OLFM3: variants seen among roughly 807,000 people sequenced by gnomAD.
The protein encoded by OLFM3 is noelin-3.
A neutral mutation model predicts 48.6 loss-of-function variants in OLFM3; 20 were observed. That is an observed-to-expected ratio of 0.41 (90% CI 0.29 to 0.60). OLFM3 has a LOEUF of 0.60. Ranked by LOEUF, OLFM3 falls within the 20% of genes least tolerant of loss-of-function variation. The pLI is 0.28. For missense variants in OLFM3, 437 were observed against 544.3 expected (o/e 0.80, Z 1.96); for synonymous variants, 222 against 198.1 (o/e 1.12, Z -1.01).
rs986775120 is a variant in OLFM3, at chr1:101,913,650, G to A, written c.70-76625C>T. Among the ~76,000 whole-genome samples the A allele has an allele frequency of 2.7e-5, 4 of 150,530 alleles. No homozygotes were observed. In the Admixed American group the frequency reaches 2.7e-4, roughly 10 times the overall value. ...CATTTAGTAACTATTGCCATCCAGAGGCTGAGTTCAAACCTTAATCCTAAA... is the reference window on the plus strand; with the variant it reads ...CATTTAGTAACTATTGCCATCCAGAAGCTGAGTTCAAACCTTAATCCTAAA... On this transcript the variant is annotated intron_variant, in intron 1 of 5. Coordinates refer to ENST00000370103, the MANE Select transcript of OLFM3 (RefSeq NM_058170.4).
intron 1 of OLFM3, among the ~76,000 whole-genome samples, chr1:101,873,271 T>C (rs1657156783): frequency 6.6e-6 from 1 of 151,830 alleles, no homozygotes; most frequent in Admixed American, 6.6e-5. Flanking sequence ...TATAAGAACA[T>C]AAGCAGGAAA....
chr1:101,921,822 C>T (rs183594327), intron 1 of OLFM3, among the ~76,000 whole-genome samples: 1 of 152,208 alleles, frequency 6.6e-6, no homozygotes, highest in Non-Finnish European at 1.5e-5. Context: ...CTTTGGGAGG[C>T]CAAGGTGGGC....
At chr1:101,872,828 T>C (rs886348022) in intron 1 of OLFM3, among the ~76,000 whole-genome samples, 1 of 151,936 alleles carries the variant, frequency 6.6e-6, no homozygotes, top group East Asian at 1.9e-4. Context: ...TTTGCTTCTG[T>C]AGAAACTCTA....
intron 1 of OLFM3, among the ~76,000 whole-genome samples, chr1:101,866,721 G>C (rs528561225): frequency 6.6e-6 from 1 of 152,086 alleles, no homozygotes; most frequent in Admixed American, 6.5e-5. Context: ...TGCAATTTAG[G>C]TAATAATTTA....
At chr1:101,849,375 A>T (rs955148777) in intron 1 of OLFM3, among the ~76,000 whole-genome samples, 2 of 152,230 alleles carry the variant, frequency 1.3e-5, no homozygotes, top group Non-Finnish European at 2.9e-5. Flanking sequence ...CAGTAGTTGC[A>T]GAAGTTCCAC....
intron 1 of OLFM3, among the ~76,000 whole-genome samples, chr1:101,945,213 T>C (rs1385453980): frequency 6.6e-6 from 1 of 152,214 alleles, no homozygotes; most frequent in Non-Finnish European, 1.5e-5. Context: ...TACATAAATG[T>C]TTACATCAGC....
At chr1:101,949,129 T>C (rs1660044368) in intron 1 of OLFM3, among the ~76,000 whole-genome samples, 1 of 152,102 alleles carries the variant, frequency 6.6e-6, no homozygotes. Flanking sequence ...CAATCACATC[T>C]GAGTTTTACA....
At chr1:101,926,911 C>T (rs1414677652) in intron 1 of OLFM3, among the ~76,000 whole-genome samples, 1 of 152,086 alleles carries the variant, frequency 6.6e-6, no homozygotes, top group African/African-American at 2.4e-5. Flanking sequence ...AAGTCCCTTA[C>T]TACTAGCATT....
chr1:101,806,199 A>G lies in OLFM3; in HGVS notation c.593-17T>C, dbSNP rs1653764414. ...TGCCACATGCTGAAATTAGAGAAACACAAACGTGTTAGGTGAACGCAGCCA... is the reference window on the plus strand; with the variant it reads ...TGCCACATGCTGAAATTAGAGAAACGCAAACGTGTTAGGTGAACGCAGCCA... On this transcript the variant is annotated splice_polypyrimidine_tract_variant and intron_variant, in intron 4 of 5. Transcript: ENST00000370103. 2 of 1,597,318 alleles carry G rather than the reference A, an allele frequency of 1.3e-6. No individual in the cohort carries two copies. Among genetic ancestry groups the G allele is most frequent in the South Asian group, 2.2e-5 (2 of 90,726 alleles).
chr1:101,915,380 T>C (rs1194865601), intron 1 of OLFM3, among the ~76,000 whole-genome samples: 1 of 152,112 alleles, frequency 6.6e-6, no homozygotes, highest in Admixed American at 6.6e-5. Context: ...AAAAAGCATG[T>C]TTAAAACAAG....
chr1:101,829,607 C>T (rs1345002159), intron 3 of OLFM3, among the ~76,000 whole-genome samples: 1 of 152,214 alleles, frequency 6.6e-6, no homozygotes, highest in East Asian at 1.9e-4. Flanking sequence ...ACTAGCTCCC[C>T]ACCAGCCACC....
At chr1:101,948,257 C>A (rs559932618) in intron 1 of OLFM3, among the ~76,000 whole-genome samples, 1 of 152,004 alleles carries the variant, frequency 6.6e-6, no homozygotes, top group Non-Finnish European at 1.5e-5. Context: ...TGTTCAAATC[C>A]TGTCAGCCTT....
At chr1:101,963,655 T>A (rs1402828754) in intron 1 of OLFM3, among the ~76,000 whole-genome samples, 2 of 152,104 alleles carry the variant, frequency 1.3e-5, no homozygotes, top group Non-Finnish European at 2.9e-5. Context: ...TGCAAACAAG[T>A]TTCATTTCAC....
chr1:101,951,748 G>A (rs927662916), intron 1 of OLFM3, among the ~76,000 whole-genome samples: 4 of 152,054 alleles, frequency 2.6e-5, no homozygotes, highest in Non-Finnish European at 4.4e-5. Context: ...ATTCAGAATC[G>A]TAAATTATAA....
chr1:101,851,519 G>A (rs1175739842), intron 1 of OLFM3, among the ~76,000 whole-genome samples: 2 of 152,136 alleles, frequency 1.3e-5, no homozygotes, highest in East Asian at 1.9e-4. Context: ...GTAGCTGAGT[G>A]CAGCTTGGAG....
At chr1:101,876,645 T>G (rs1657312188) in intron 1 of OLFM3, among the ~76,000 whole-genome samples, 2 of 152,032 alleles carry the variant, frequency 1.3e-5, no homozygotes, top group African/African-American at 2.4e-5. Flanking sequence ...AAATAAGAGA[T>G]AATTTTAGCA....
At chr1:101,899,172 T>C (rs749643022) in intron 1 of OLFM3, among the ~76,000 whole-genome samples, 15 of 152,108 alleles carry the variant, frequency 9.9e-5, no homozygotes, top group South Asian at 2.1e-4. Context: ...AAGGTTCAAA[T>C]TGGGGACGAT....
chr1:101,930,006 A>G (rs916315861), intron 1 of OLFM3, among the ~76,000 whole-genome samples: 1 of 152,132 alleles, frequency 6.6e-6, no homozygotes, highest in Non-Finnish European at 1.5e-5. Context: ...AACCACATAA[A>G]TTATATGATA....
intron 1 of OLFM3, among the ~76,000 whole-genome samples, chr1:101,903,059 T>C (rs1340730328): frequency 1.3e-5 from 2 of 152,100 alleles, no homozygotes; most frequent in Admixed American, 6.6e-5. Flanking sequence ...TGTGGTTTTG[T>C]GAGTACTTCC....
Sources: gnomAD v4.1 joint callset for allele counts (sites outside exome capture counted in the v4.1 genomes callset) on GRCh38, gnomAD v4.1.1 for gene constraint, MANE v1.5 for transcripts, NCBI Gene and HGNC (gene_info 2026-07-23, HGNC 2026-07-21) for gene names.